The following TK2 variants were observed in gnomAD, a reference collection of about 807,000 sequenced individuals.
TK2 encodes the protein thymidine kinase 2, mitochondrial.
In TK2, 35 loss-of-function variants were observed where a neutral mutation model predicts 41.9. The observed-to-expected ratio is 0.84, with a 90% CI of 0.64 to 1.11. The LOEUF is 1.11. Among genes scored for constraint, TK2 ranks in the 50% least tolerant of loss-of-function variants. The pLI is 0.00. For missense variants in TK2, 320 were observed against 351.1 expected, an observed-to-expected ratio of 0.91 and a Z score of 0.71; for synonymous variants, 128 against 129.1, an observed-to-expected ratio of 0.99 and a Z score of 0.06.
rs146573301 is a variant in TK2 at position 66,522,618 on chromosome 16, G to A, written c.450-4741C>T. Among the ~76,000 whole-genome samples the A allele has an allele frequency of 4.3e-3, 661 of 152,312 alleles. 3 individuals carry two copies. Among genetic ancestry groups the A allele is most frequent in the Middle Eastern group, 0.017 (5 of 292 alleles). On this transcript the variant is annotated intron_variant, in intron 6 of 9. Coordinates refer to ENST00000544898, the MANE Select transcript of TK2 (RefSeq NM_004614.5). ...GCAATGGCTAACGCCTGTAATCCCA[G>A]CACTTTGGCAGGCTGAGGCAGGCAG...
chr16:66,528,397 T>C (rs755717), intron 6 of TK2, among the ~76,000 whole-genome samples: 10,577 of 152,154 alleles, frequency 0.07, 534 homozygotes, highest in South Asian at 0.18. Flanking sequence ...AAGCTTTTAG[T>C]GAAAAACACA....
intron 6 of TK2, among the ~76,000 whole-genome samples, chr16:66,518,874 T>C (rs1455329567): frequency 6.6e-6 from 1 of 152,242 alleles, no homozygotes; most frequent in Non-Finnish European, 1.5e-5. Context: ...TATACCTTTT[T>C]GTATTTTCCA....
intron 8 of TK2, 155 bp from the exon 9 acceptor site, chr16:66,513,966 G>A (rs954864271): frequency 3.4e-5 from 24 of 711,432 alleles, no homozygotes; most frequent in African/African-American, 1.0e-4. Flanking sequence ...AGTGGACAGC[G>A]GCAGACGCAG....
intron 4 of TK2, among the ~76,000 whole-genome samples, 171 bp from the exon 5 acceptor site, chr16:66,531,640 C>A (rs971885320): frequency 6.6e-5 from 10 of 152,104 alleles, no homozygotes; most frequent in Non-Finnish European, 1.2e-4. Context: ...AAGGCAGACA[C>A]TGAAACAATT....
chr16:66,538,183 T>G (rs1247505265), intron 3 of TK2, among the ~76,000 whole-genome samples: 1 of 151,662 alleles, frequency 6.6e-6, no homozygotes, highest in African/African-American at 2.4e-5. Flanking sequence ...AGAAAAGTAA[T>G]CACCCCCCAC....
chr16:66,549,643 G>C, intron 1 of TK2: 1 of 1,192,058 alleles, frequency 8.4e-7, no homozygotes, highest in Non-Finnish European at 1.0e-6. Flanking sequence ...CGAAAGAATC[G>C]GGACAGGAAA....
chr16:66,522,114 A>G lies in TK2; in HGVS notation c.450-4237T>C, dbSNP rs1207067732. Among the ~76,000 whole-genome samples the G allele has an allele frequency of 3.3e-5, 5 of 152,068 alleles. No individual in the cohort carries two copies. In the South Asian group the frequency reaches 8.3e-4, roughly 25 times the overall value. The stretch of plus-strand genomic sequence containing the variant: ...CAGGGGTCCAAGCCTGGCTCTCCCT[A>G]CCCCCAAACCCAAATGCTCTCCATT... On this transcript the variant is annotated intron_variant, in intron 6 of 9. Coordinates refer to ENST00000544898, the MANE Select transcript of TK2 (RefSeq NM_004614.5).
At position 66,517,398 on chromosome 16, in the gene TK2, G is replaced by A. The variant is rs1353001240; in HGVS notation, c.539-183C>T. Reference sequence around the variant, plus strand: ...ATTCTCTTTCAGTGTCAGCGGCCCCGTGGGGTCGTTTTGAGGCTGAATGGG... The same window carrying A: ...ATTCTCTTTCAGTGTCAGCGGCCCCATGGGGTCGTTTTGAGGCTGAATGGG... On this transcript the variant is annotated intron_variant, in intron 7 of 9. Transcript: ENST00000544898. The surrounding 1 kb of genome is among the most constrained non-coding windows in gnomAD (Gnocchi z 4.3). 8.7e-6 allele frequency: 6 copies of A among 685,780 alleles called. No individual in the cohort carries two copies. The highest frequency in any genetic ancestry group is 3.1e-5 in the South Asian group (2 of 64,570). The allele number at this position is 685,780 out of a possible 1,614,324, so 42.5% of individuals were successfully genotyped here.
chr16:66,535,037 G>C (rs775169528), intron 4 of TK2, among the ~76,000 whole-genome samples: 1 of 152,070 alleles, frequency 6.6e-6, no homozygotes, highest in African/African-American at 2.4e-5. Context: ...TGAAACTCCA[G>C]TGTTCTTCAT....
At chr16:66,524,236 T>TGAAG (rs1964864123) in intron 6 of TK2, among the ~76,000 whole-genome samples, 1 of 152,122 alleles carries the variant, frequency 6.6e-6, no homozygotes, top group South Asian at 2.1e-4. Context: ...AAAGGTCCAG[T>TGAAG]GAAGCCCCAA....
At chr16:66,545,094 C>CAA (rs56368554) in intron 2 of TK2, among the ~76,000 whole-genome samples, 8,008 of 75,466 alleles carry the variant, frequency 0.11, 337 homozygotes, top group South Asian at 0.22. Context: ...ACCCTGTCTT[C>CAA]AAAAAAAAAA....
intron 5 of TK2, among the ~76,000 whole-genome samples, chr16:66,530,767 G>C (rs1468507250): frequency 1.3e-5 from 2 of 151,422 alleles, no homozygotes; most frequent in Admixed American, 6.6e-5. Flanking sequence ...ACCCAGGCTG[G>C]AGTGCAGTGG....
chr16:66,516,170 C>T (rs906289327), intron 8 of TK2, among the ~76,000 whole-genome samples: 1 of 132,466 alleles, frequency 7.5e-6, no homozygotes, highest in Middle Eastern at 3.7e-3. Flanking sequence ...CCCATGATCA[C>T]AGAAAGCCAG....
Position 66,517,776 on chromosome 16 carries a change from G to A in TK2, c.538+13C>T, listed in dbSNP as rs2144356276. ...GAGAGACAAGAGAGGGAGGTGGGAG[G>A]GGTGCATCTCACCTATCAAATCAAC... is the stretch of plus-strand genomic sequence containing the variant. On this transcript the variant is annotated intron_variant, in intron 7 of 9. Coordinates refer to ENST00000544898, the MANE Select transcript of TK2 (RefSeq NM_004614.5). This position sits in a 1 kb window ranked among gnomAD's most constrained non-coding sequence, Gnocchi z 4.3. 3 of 1,612,732 alleles carry A rather than the reference G, an allele frequency of 1.9e-6. No individual in the cohort carries two copies. The highest frequency in any genetic ancestry group is 2.5e-6 in the Non-Finnish European group (3 of 1,178,736).
rs926935953 is a variant in TK2, at chr16:66,511,768, C to A, written c.*200G>T. 4 of 635,504 alleles carry A rather than the reference C, an allele frequency of 6.3e-6. No homozygotes were observed. Among genetic ancestry groups the A allele is most frequent in the Non-Finnish European group, 1.1e-5 (4 of 352,768 alleles). 39.4% of individuals were successfully genotyped at this position (635,504 alleles called of 1,614,324 possible). ...TGCGAACAGCAAAGGGCTTGGCAAA[C>A]CCATTGGTCCCGTTTGTCATTTACC... is the stretch of plus-strand genomic sequence containing the variant. On this transcript the variant is annotated 3_prime_UTR_variant, in exon 10 of 10. Coordinates refer to ENST00000544898, the MANE Select transcript of TK2 (RefSeq NM_004614.5).
chr16:66,524,010 A>G (rs904613135), intron 6 of TK2, among the ~76,000 whole-genome samples: 2 of 152,150 alleles, frequency 1.3e-5, no homozygotes, highest in African/African-American at 2.4e-5. Flanking sequence ...ACTTTGCCCT[A>G]TGGCTGCCTG....
chr16:66,537,937 C>T lies in TK2; in HGVS notation c.232-920G>A, dbSNP rs570653141. ...CAGCACTTTGGGAGGCCAAGGCAGGCAGATCACTTGAGGTCAGGAGTTCAA... is the reference window on the plus strand; with the variant it reads ...CAGCACTTTGGGAGGCCAAGGCAGGTAGATCACTTGAGGTCAGGAGTTCAA... On this transcript the variant is annotated intron_variant, in intron 3 of 9. Coordinates refer to ENST00000544898, the MANE Select transcript of TK2 (RefSeq NM_004614.5). 3.9e-5 allele frequency among the ~76,000 whole-genome samples: 6 copies of T among 152,256 alleles called. No individual in the cohort carries two copies. In the South Asian group the frequency reaches 1.2e-3, roughly 32 times the overall value.
Position 66,537,021 on chromosome 16 carries a change from G to A in TK2, c.232-4C>T. ...TGGACACAGGCTCCGTTAACACCTG[G>A]AAGGAAAGAAAACATCAGAGCTACT... is the stretch of plus-strand genomic sequence containing the variant. On this transcript the variant is annotated splice_polypyrimidine_tract_variant and splice_region_variant and intron_variant, in intron 3 of 9. Transcript: ENST00000544898. 3 of 1,614,084 alleles carry A rather than the reference G, an allele frequency of 1.9e-6. No homozygotes were observed. Among genetic ancestry groups the A allele is most frequent in the South Asian group, 1.1e-5 (1 of 91,088 alleles).
chr16:66,548,844 C>G (rs1269937725), intron 2 of TK2, 134 bp downstream of exon 2: 1 of 852,348 alleles, frequency 1.2e-6, no homozygotes, highest in Non-Finnish European at 1.9e-6. Context: ...TGACAGACTT[C>G]CTTCTCCCTG....
Sources: allele counts gnomAD v4.1 joint callset (sites outside exome capture counted in the v4.1 genomes callset), GRCh38; gene constraint gnomAD v4.1.1; non-coding constraint Gnocchi (gnomAD v3.1); transcripts MANE v1.5; gene names NCBI Gene and HGNC (gene_info 2026-07-23, HGNC 2026-07-21).